The following EEF1AKMT1 variants were observed in gnomAD, a reference collection of about 807,000 sequenced individuals.
The protein encoded by EEF1AKMT1 is N-6 adenine-specific DNA methyltransferase 2 (putative).
A neutral mutation model predicts 21.0 loss-of-function variants in EEF1AKMT1; 18 were observed. The ratio of observed to expected loss-of-function variants is 0.86; its 90% CI spans 0.59 to 1.27. The LOEUF (loss-of-function observed/expected upper bound fraction) is 1.27. Ranked by LOEUF, EEF1AKMT1 falls within the 50% of genes most tolerant of loss-of-function variation. The pLI is 0.00. For missense variants in EEF1AKMT1, 246 were observed against 258.6 expected (o/e 0.95, Z 0.33); for synonymous variants, 109 against 94.8 (o/e 1.15, Z -0.87).
intron 3 of EEF1AKMT1, 34 bp downstream of exon 3, chr13:20,737,689 A>G (rs563074279): frequency 1.2e-5 from 19 of 1,557,110 alleles, no homozygotes; most frequent in Non-Finnish European, 1.7e-5. Context: ...AAAATATTAC[A>G]TTAGATGCCA....
chr13:20,748,427 T>A (rs1270926381), intron 2 of EEF1AKMT1, among the ~76,000 whole-genome samples: 1 of 142,174 alleles, frequency 7.0e-6, no homozygotes. Context: ...AGAGCTAGAC[T>A]CCGTCCAAAA....
chr13:20,759,198 T>C (rs185666606), intron 1 of EEF1AKMT1, among the ~76,000 whole-genome samples: 2 of 152,216 alleles, frequency 1.3e-5, no homozygotes. Flanking sequence ...AAAGCAACAA[T>C]CAACAAAGTA....
chr13:20,773,689 G>C (rs1203863484), intron 1 of EEF1AKMT1, among the ~76,000 whole-genome samples: 1 of 152,214 alleles, frequency 6.6e-6, no homozygotes, highest in African/African-American at 2.4e-5. Context: ...GCGCCTTCCG[G>C]CGACCGGGAC....
At chr13:20,737,655 A>G in intron 3 of EEF1AKMT1, 68 bp downstream of exon 3, 1 of 1,295,196 alleles carries the variant, frequency 7.7e-7, no homozygotes, top group Non-Finnish European at 1.1e-6. Context: ...CTTACAAACC[A>G]TCTGTCATCC....
chr13:20,773,574 A>T (rs981918538), intron 1 of EEF1AKMT1, among the ~76,000 whole-genome samples: 2 of 152,226 alleles, frequency 1.3e-5, no homozygotes, highest in Non-Finnish European at 2.9e-5. Flanking sequence ...TTCTACTCGG[A>T]GGGAAGGGAG....
rs912750538 is a variant in EEF1AKMT1 at position 20,757,586 on chromosome 13, C to T, written c.13G>A (p.Glu5Lys). ...GAAAGCTGGGGTGTCTCATCATCTTCCAAATCACTCATTTCACAAGTTGTT... is the reference window on the plus strand; with the variant it reads ...GAAAGCTGGGGTGTCTCATCATCTTTCAAATCACTCATTTCACAAGTTGTT... MSDL[E>K]DDETPQLSAH... Residue 5 changes from glutamate to lysine, a missense_variant, in exon 2 of 5, where the codon GAA becomes AAA. By Grantham distance (56) the Glu-to-Lys change is moderately conservative. Transcript: ENST00000382758. 1.2e-6 allele frequency: 2 copies of T among 1,613,846 alleles called. No homozygotes were observed. Among genetic ancestry groups the T allele is most frequent in the Non-Finnish European group, 1.7e-6 (2 of 1,179,780 alleles).
chr13:20,750,680 T>G (rs2058935415), intron 2 of EEF1AKMT1, among the ~76,000 whole-genome samples: 2 of 152,186 alleles, frequency 1.3e-5, no homozygotes. Context: ...TATACTAATT[T>G]CTTTTCCTTT....
intron 2 of EEF1AKMT1, among the ~76,000 whole-genome samples, chr13:20,739,339 C>T (rs376102799): frequency 2.0e-5 from 3 of 152,302 alleles, no homozygotes; most frequent in South Asian, 2.1e-4. Context: ...TGGAAGGCAA[C>T]CCAAGAGGGT....
chr13:20,765,419 T>TTTG (rs1256547736), intron 1 of EEF1AKMT1, among the ~76,000 whole-genome samples: 1 of 131,742 alleles, frequency 7.6e-6, no homozygotes, highest in Admixed American at 7.7e-5. Flanking sequence ...TTTTTTTTTT[T>TTTG]TTTTTTTTTT....
In EEF1AKMT1 at chr13:20,732,104, G is replaced by A. The variant is rs1278573758; in HGVS notation, c.245C>T (p.Ala82Val). The change falls in exon 4 of 5, where the codon GCC (alanine) becomes GTC (valine). Residue 82 changes from alanine (A) to valine (V), a missense_variant. Physicochemically the swap from Ala to Val is moderately conservative, Grantham distance 64. Transcript: ENST00000382758. Reference protein sequence around the residue: ...GEGGRIACVSAPSVYQKLREL... With the variant: ...GEGGRIACVSVPSVYQKLREL... ...TCTGAGTTTCTGGTAAACACTAGGG[G>A]CACTCACACATGCGATTCTAGGAGA... 2 of 1,611,252 alleles carry A rather than the reference G, an allele frequency of 1.2e-6. No homozygotes were observed. The highest frequency in any genetic ancestry group is 1.3e-5 in the African/African-American group (1 of 74,800).
intron 2 of EEF1AKMT1, among the ~76,000 whole-genome samples, chr13:20,740,209 G>C (rs1474296126): frequency 6.6e-6 from 1 of 152,240 alleles, no homozygotes; most frequent in Non-Finnish European, 1.5e-5. Flanking sequence ...AGCGGTGCCA[G>C]CCGGCTGCTC....
chr13:20,739,354 G>C (rs763283626), intron 2 of EEF1AKMT1, among the ~76,000 whole-genome samples: 4 of 152,168 alleles, frequency 2.6e-5, no homozygotes, highest in Non-Finnish European at 4.4e-5. Context: ...GAGGGTTGCC[G>C]CCGCTAAGCA....
At chr13:20,737,445 G>A (rs1014075500) in intron 3 of EEF1AKMT1, among the ~76,000 whole-genome samples, 1 of 152,004 alleles carries the variant, frequency 6.6e-6, no homozygotes, top group South Asian at 2.1e-4. Flanking sequence ...ACTTCAAAAA[G>A]GTAAGATATT....
At chr13:20,754,020 T>C (rs1279090380) in intron 2 of EEF1AKMT1, among the ~76,000 whole-genome samples, 1 of 152,162 alleles carries the variant, frequency 6.6e-6, no homozygotes, top group African/African-American at 2.4e-5. Context: ...TTCTCTCTTA[T>C]TGTTTGTCAT....
chr13:20,762,503 G>A lies in EEF1AKMT1; in HGVS notation c.-19-4886C>T, dbSNP rs1169065062. 2.0e-5 allele frequency among the ~76,000 whole-genome samples: 3 copies of A among 151,754 alleles called. No individual in the cohort carries two copies. In the East Asian group the frequency reaches 5.8e-4, roughly 29 times the overall value. On this transcript the variant is annotated intron_variant, in intron 1 of 4. Coordinates refer to ENST00000382758, the MANE Select transcript of EEF1AKMT1 (RefSeq NM_001318939.2). ...CGTGCCTGGCCAGGACTTCTAGTGA[G>A]CTGAATAGGAGTGATAAGAGCAGAT...
At position 20,764,880 on chromosome 13, in the gene EEF1AKMT1, AACACACACACACAC is replaced by A. The variant is rs34574835; in HGVS notation, c.-19-7277_-19-7264del. ...ATATTTTCCCCTTCCTTTCACTTTC[AACACACACACACAC>A]ACACACACACACACACACACACACC... On this transcript the variant is annotated intron_variant, in intron 1 of 4. Transcript: ENST00000382758. Among the ~76,000 whole-genome samples the A allele has an allele frequency of 1.6e-3, 221 of 139,824 alleles. 3 individuals are homozygous for A. The highest frequency in any genetic ancestry group is 8.8e-4 in the Admixed American group (12 of 13,626). 91.7% of individuals were successfully genotyped at this position (139,824 alleles called of 152,430 possible).
chr13:20,735,923 G>T (rs1259546216), intron 3 of EEF1AKMT1, among the ~76,000 whole-genome samples: 1 of 152,150 alleles, frequency 6.6e-6, no homozygotes, highest in East Asian at 1.9e-4. Context: ...AGAAAGTTTA[G>T]AAGATAAAGT....
chr13:20,746,368 G>A, intron 2 of EEF1AKMT1, among the ~76,000 whole-genome samples: 1 of 152,274 alleles, frequency 6.6e-6, no homozygotes, highest in Non-Finnish European at 1.5e-5. Flanking sequence ...GGTCAGGCTG[G>A]TCTCGAACTC....
At chr13:20,740,143 G>A (rs568604050) in intron 2 of EEF1AKMT1, among the ~76,000 whole-genome samples, 19 of 152,346 alleles carry the variant, frequency 1.2e-4, no homozygotes, top group Non-Finnish European at 1.9e-4. Context: ...GCTGGGATCC[G>A]GCGCACCCTC....
Sources: allele counts gnomAD v4.1 joint callset (sites outside exome capture counted in the v4.1 genomes callset), GRCh38; gene constraint gnomAD v4.1.1; transcripts MANE v1.5; gene names NCBI Gene and HGNC (gene_info 2026-07-23, HGNC 2026-07-21).